RERE: variants seen among roughly 807,000 people sequenced by gnomAD.
RERE encodes the protein arginine-glutamic acid dipeptide repeats, also known as arginine-glutamic acid dipeptide repeats protein.
In RERE, 40 loss-of-function variants were observed where a neutral mutation model predicts 146.1. The observed-to-expected ratio is 0.27, with a 90% CI of 0.21 to 0.36. RERE has a LOEUF of 0.36. RERE is among the 10% of genes least tolerant of loss of function. The pLI, the probability that RERE is intolerant of heterozygous loss-of-function variation, is 1.00. For missense variants in RERE, 1,933 were observed against 2,138.7 expected (o/e 0.90, Z 1.90); for synonymous variants, 1,003 against 866.0 (o/e 1.16, Z -2.78).
intron 11 of RERE, among the ~76,000 whole-genome samples, chr1:8,448,762 C>A (rs1484101401): frequency 6.6e-6 from 1 of 151,870 alleles, no homozygotes; most frequent in Non-Finnish European, 1.5e-5. Flanking sequence ...CCGGGAGGCG[C>A]AGGTTGCACT....
At chr1:8,469,270 A>G (rs903065361) in intron 10 of RERE, among the ~76,000 whole-genome samples, 2 of 152,200 alleles carry the variant, frequency 1.3e-5, no homozygotes, top group African/African-American at 4.8e-5. Flanking sequence ...AAAATTACCC[A>G]TGTTAAATGA....
intron 12 of RERE, among the ~76,000 whole-genome samples, chr1:8,400,584 A>G (rs532654640): frequency 6.6e-6 from 1 of 152,178 alleles, no homozygotes; most frequent in South Asian, 2.1e-4. Flanking sequence ...AAACACACAT[A>G]TATAGGGTCT....
intron 12 of RERE, chr1:8,381,089 C>T (rs1642434267): frequency 2.2e-6 from 1 of 450,378 alleles, no homozygotes; most frequent in Non-Finnish European, 4.5e-6. Flanking sequence ...CTGTCATCCA[C>T]ACCACCTCAT....
intron 12 of RERE, among the ~76,000 whole-genome samples, chr1:8,367,286 A>G (rs1641848271): frequency 6.6e-6 from 1 of 152,212 alleles, no homozygotes; most frequent in South Asian, 2.1e-4. Context: ...GTGACAAGAG[A>G]GGTGGGCAGA....
intron 1 of RERE, chr1:8,702,955 A>T (rs1035259041): frequency 6.6e-6 from 1 of 152,084 alleles, no homozygotes; most frequent in African/African-American, 2.4e-5. Context: ...GTCGGCTGGA[A>T]CACTCCGTGC....
chr1:8,356,099 C>T lies in RERE; in HGVS notation c.4486+1G>A. ...CGCCCCTCCTGGAGGGGAAGTCTTA[C>T]CGAAAACTGGGTGGCGAAGCATCTC... On this transcript the variant is annotated splice_donor_variant, in intron 21 of 22. Transcript: ENST00000400908. LOFTEE classifies it high-confidence loss of function. The surrounding 1 kb of genome is among the most constrained non-coding windows in gnomAD (Gnocchi z 5.2). The T allele has an allele frequency of 6.7e-7, 1 of 1,497,618 alleles. No individual in the cohort carries two copies. Among genetic ancestry groups the T allele is most frequent in the Non-Finnish European group, 8.9e-7 (1 of 1,126,026 alleles). 92.8% of individuals were successfully genotyped at this position (1,497,618 alleles called of 1,614,324 possible).
intron 7 of RERE, among the ~76,000 whole-genome samples, chr1:8,533,289 T>C (rs139725352): frequency 1.3e-5 from 2 of 152,314 alleles, no homozygotes; most frequent in Non-Finnish European, 2.9e-5. Context: ...TCTGCTTACA[T>C]GAGAGAGAAA....
At chr1:8,601,944 T>C (rs1646637110) in intron 4 of RERE, among the ~76,000 whole-genome samples, 1 of 107,672 alleles carries the variant, frequency 9.3e-6, no homozygotes, top group Non-Finnish European at 2.3e-5. Context: ...GAAACTTCAC[T>C]GTCTGTAGGC....
intron 2 of RERE, among the ~76,000 whole-genome samples, chr1:8,629,983 C>G (rs1647016114): frequency 6.6e-6 from 1 of 152,164 alleles, no homozygotes; most frequent in African/African-American, 2.4e-5. Context: ...GAAGTTGACT[C>G]TCAGGACTGC....
At chr1:8,369,906 C>T (rs1019879211) in intron 12 of RERE, among the ~76,000 whole-genome samples, 39 of 152,132 alleles carry the variant, frequency 2.6e-4, no homozygotes, top group Non-Finnish European at 3.4e-4. Flanking sequence ...TCTCCTGCCT[C>T]GGCCTCCCGA....
intron 2 of RERE, among the ~76,000 whole-genome samples, chr1:8,640,411 T>C (rs569477181): frequency 6.6e-6 from 1 of 152,300 alleles, no homozygotes; most frequent in African/African-American, 2.4e-5. Flanking sequence ...GATATAAAAC[T>C]GTACCTTTGC....
chr1:8,358,692 C>T lies in RERE; in HGVS notation c.3843G>A (p.Thr1281=), dbSNP rs748157819. 1.4e-5 allele frequency: 22 copies of T among 1,588,590 alleles called. No homozygotes were observed. The highest frequency in any genetic ancestry group is 4.0e-5 in the African/African-American group (3 of 74,402). The change falls in exon 20 of 23, where the codon ACG becomes ACA. Residue 1281 remains threonine, a synonymous_variant. Transcript: ENST00000400908. The stretch of plus-strand genomic sequence containing the variant: ...GCATGTGGTAGGCCAGCAGGGGGTC[C>T]GTGGGGTTAAGGGGCATGTAGAAGG... ...NHPFYMPLNP[T]DPLLAYHMPG... is the part of the protein sequence containing the mutation.
At chr1:8,684,995 C>A (rs1337150900) in intron 1 of RERE, among the ~76,000 whole-genome samples, 71 of 151,912 alleles carry the variant, frequency 4.7e-4, no homozygotes. Context: ...GTAACTGGGA[C>A]CACAGACACG....
chr1:8,467,706 G>A (rs550056992), intron 10 of RERE, among the ~76,000 whole-genome samples: 4 of 151,800 alleles, frequency 2.6e-5, no homozygotes, highest in Non-Finnish European at 4.4e-5. Context: ...GTGCAGTGGC[G>A]CGATCACGGC....
chr1:8,694,525 T>C (rs6666593), intron 1 of RERE, among the ~76,000 whole-genome samples: 5,380 of 151,744 alleles, frequency 0.035, 283 homozygotes, highest in African/African-American at 0.12. Context: ...CTTTGGGAGG[T>C]TGAGGCGGGC....
chr1:8,806,966 T>C (rs1641704390), intron 1 of RERE: 1 of 152,248 alleles, frequency 6.6e-6, no homozygotes, highest in Admixed American at 6.5e-5. Flanking sequence ...CAGTTATCAC[T>C]GATGGTGGGT....
rs199507460 is a variant in RERE, at chr1:8,498,730, T to A, written c.880-1201A>T. 2.5e-3 allele frequency among the ~76,000 whole-genome samples: 30 copies of A among 11,856 alleles called. 1 individual carries two copies. Among genetic ancestry groups the A allele is most frequent in the African/African-American group, 5.1e-3 (27 of 5,312 alleles). The allele number at this position is 11,856 out of a possible 152,430, so 7.8% of individuals were successfully genotyped here. A position where few individuals can be genotyped will look rare whatever the true frequency, so the allele number is the denominator to read the frequency against. ...AAAAATAAAAAAAAAAAAATAAATATATACACACACACACACACACACACA... is the reference window on the plus strand; with the variant it reads ...AAAAATAAAAAAAAAAAAATAAATAAATACACACACACACACACACACACA... On this transcript the variant is annotated intron_variant, in intron 8 of 22. Transcript: ENST00000400908.
At chr1:8,381,644 A>C (rs1436181259) in intron 12 of RERE, among the ~76,000 whole-genome samples, 1 of 152,232 alleles carries the variant, frequency 6.6e-6, no homozygotes, top group Non-Finnish European at 1.5e-5. Context: ...AATGAAAACA[A>C]AACACAAAGA....
chr1:8,671,882 T>C (rs1638725955), intron 1 of RERE, among the ~76,000 whole-genome samples: 1 of 152,150 alleles, frequency 6.6e-6, no homozygotes, highest in Admixed American at 6.5e-5. Flanking sequence ...GTAAGTGATA[T>C]GAAAAGGTAA....
Sources: allele counts gnomAD v4.1 joint callset (sites outside exome capture counted in the v4.1 genomes callset), GRCh38; gene constraint gnomAD v4.1.1; non-coding constraint Gnocchi (gnomAD v3.1); transcripts MANE v1.5; gene names NCBI Gene and HGNC (gene_info 2026-07-23, HGNC 2026-07-21).